The following ADCY9 variants were observed in gnomAD, a reference collection of about 807,000 sequenced individuals.
ADCY9 encodes the protein adenylate cyclase 9, also known as adenylate cyclase type 9.
ADCY9 carries 50 observed loss-of-function variants against 101.5 expected under a neutral mutation model. The observed-to-expected ratio is 0.49, with a 90% CI of 0.39 to 0.62. ADCY9 has a LOEUF of 0.62. Among genes scored for constraint, ADCY9 ranks in the 20% least tolerant of loss-of-function variants. ADCY9 has a pLI of 0.00. For synonymous variants in ADCY9, 905 were observed against 769.3 expected (o/e 1.18, Z -2.92); for missense variants, 1,662 against 1,800.4 (o/e 0.92, Z 1.39).
intron 2 of ADCY9, among the ~76,000 whole-genome samples, chr16:4,065,493 G>A (rs559561257): frequency 2.6e-5 from 4 of 152,294 alleles, no homozygotes; most frequent in Admixed American, 2.6e-4. Context: ...GGGCAGGTGC[G>A]AAATCTGAAA....
chr16:4,077,801 A>G (rs2056877124), intron 2 of ADCY9, among the ~76,000 whole-genome samples: 1 of 152,128 alleles, frequency 6.6e-6, no homozygotes, highest in South Asian at 2.1e-4. Flanking sequence ...GGAGTTTGAG[A>G]CCAGCCTGGC....
Position 3,967,864 on chromosome 16 carries a change from A to C in ADCY9, c.2871-898T>G, listed in dbSNP as rs558400891. 2.6e-5 allele frequency among the ~76,000 whole-genome samples: 4 copies of C among 151,502 alleles called. No individual in the cohort carries two copies. In the South Asian group the frequency reaches 8.4e-4, roughly 32 times the overall value. On this transcript the variant is annotated intron_variant, in intron 10 of 10. Transcript: ENST00000294016. ...AGGTGTGTGCCACCATGCCTGGCTAATTTTTGTATTTTTAGTAGAGACAGG... is the reference window on the plus strand; with the variant it reads ...AGGTGTGTGCCACCATGCCTGGCTACTTTTTGTATTTTTAGTAGAGACAGG...
At chr16:3,973,062 T>C (rs1395111179) in intron 10 of ADCY9, among the ~76,000 whole-genome samples, 3 of 152,196 alleles carry the variant, frequency 2.0e-5, no homozygotes, top group Admixed American at 6.5e-5. Flanking sequence ...GTTGTACCTA[T>C]AGTACATATA....
In ADCY9 at chr16:3,993,402, T is replaced by C; in HGVS notation, c.1989+4A>G. The C allele has an allele frequency of 3.1e-6, 5 of 1,613,684 alleles. No individual in the cohort carries two copies. The highest frequency in any genetic ancestry group is 2.2e-5 in the South Asian group (2 of 91,080). On this transcript the variant is annotated splice_donor_region_variant and intron_variant, in intron 4 of 10. Transcript: ENST00000294016. ...GACAGGAACAACAGCCATGAGCTTG[T>C]TACCTTGGTGCTGTTTTTATGCTCG...
At chr16:4,007,801 T>C (rs1219563403) in intron 2 of ADCY9, among the ~76,000 whole-genome samples, 1 of 151,612 alleles carries the variant, frequency 6.6e-6, no homozygotes, top group Non-Finnish European at 1.5e-5. Context: ...AATGGCTGCA[T>C]GTTTCATGTT....
Position 3,966,825 on chromosome 16 carries a change from G to A in ADCY9, c.3012C>T (p.Tyr1004=). The A allele has an allele frequency of 1.2e-6, 2 of 1,614,204 alleles. No individual in the cohort carries two copies. The highest frequency in any genetic ancestry group is 1.7e-6 in the Non-Finnish European group (2 of 1,180,048). The change falls in exon 11 of 11, where the codon TAC becomes TAT. Residue 1004 remains tyrosine, a synonymous_variant. Transcript: ENST00000294016. ...WFLNREFEVS[Y]RLHYHGDVEA... ...CCACGTCTCCGTGGTAGTGGAGGCG[G>A]TAGCTGACTTCAAATTCGCGATTCA...
In ADCY9 at chr16:4,039,640, T is replaced by C. The variant is rs143188245; in HGVS notation, c.1694-32082A>G. Among the ~76,000 whole-genome samples the C allele has an allele frequency of 8.3e-3, 1,228 of 147,834 alleles. 24 individuals carry two copies. The highest frequency in any genetic ancestry group is 0.029 in the African/African-American group (1,152 of 39,418). On this transcript the variant is annotated intron_variant, in intron 2 of 10. Coordinates refer to ENST00000294016, the MANE Select transcript of ADCY9 (RefSeq NM_001116.4). ...GTTGCAGTGAGCCGAGATCGCACCA[T>C]TTCATTCCAGCCTGGGCAACAAGAG... is the stretch of plus-strand genomic sequence containing the variant.
rs908790158 is a variant in ADCY9, at chr16:4,114,300, G to A, written c.1143C>T (p.Ala381=). Residue 381 remains alanine (A), a synonymous_variant, in exon 2 of 11, where the codon GCC becomes GCT. Transcript: ENST00000294016. The surrounding 1 kb of genome is among the most constrained non-coding windows in gnomAD (Gnocchi z 4.3). ...TCTGCTGCATCTTAAAAGGGCGGAA[G>A]GCTATAGGAGCTTTTTGGATGGAAG... ...KKSSIQKAPI[A]FRPFKMQQIE... The A allele has an allele frequency of 3.1e-6, 5 of 1,613,846 alleles. No individual in the cohort carries two copies. The highest frequency in any genetic ancestry group is 1.7e-5 in the Admixed American group (1 of 60,004).
chr16:4,097,084 G>C (rs1455316937), intron 2 of ADCY9, among the ~76,000 whole-genome samples: 1 of 152,042 alleles, frequency 6.6e-6, no homozygotes, highest in Non-Finnish European at 1.5e-5. Context: ...ATCTTACAAA[G>C]CTTAAAAACA....
chr16:3,989,368 T>C (rs2056225088), intron 5 of ADCY9, among the ~76,000 whole-genome samples: 2 of 151,214 alleles, frequency 1.3e-5, no homozygotes, highest in South Asian at 2.1e-4. Context: ...CATCAGAACC[T>C]TGGTTTTTTG....
Position 4,114,231 on chromosome 16 carries a change from G to C in ADCY9, c.1212C>G (p.Thr404=). The C allele has an allele frequency of 6.2e-7, 1 of 1,613,962 alleles. No homozygotes were observed. Among genetic ancestry groups the C allele is most frequent in the African/African-American group, 1.3e-5 (1 of 75,042 alleles). The change falls in exon 2 of 11, where the codon ACC becomes ACG. Residue 404 remains threonine (T), a synonymous_variant. Transcript: ENST00000294016. The surrounding 1 kb of genome is among the most constrained non-coding windows in gnomAD (Gnocchi z 4.3). The part of the protein sequence containing the change: ...SILFADIVGF[T]KMSANKSAHA... The stretch of plus-strand genomic sequence containing the variant: ...GGGCAGACTTGTTGGCACTCATCTT[G>C]GTGAAGCCCACGATATCTGCAAATA...
intron 6 of ADCY9, 93 bp downstream of exon 6, chr16:3,988,901 C>T: frequency 1.0e-6 from 1 of 968,604 alleles, no homozygotes; most frequent in Non-Finnish European, 1.7e-6. Context: ...TTCGTGTTCC[C>T]ATCCCTTGGT....
chr16:4,051,387 G>A (rs1158248949), intron 2 of ADCY9, among the ~76,000 whole-genome samples: 1 of 152,070 alleles, frequency 6.6e-6, no homozygotes, highest in Non-Finnish European at 1.5e-5. Context: ...AGCCGGGCGT[G>A]GTGGCGGGCG....
intron 3 of ADCY9, among the ~76,000 whole-genome samples, chr16:4,001,533 C>T (rs1243068167): frequency 1.3e-5 from 2 of 152,030 alleles, no homozygotes. Flanking sequence ...CTGTGAAGTT[C>T]CTATTCCTAC....
At chr16:4,086,453 C>T (rs1180491759) in intron 2 of ADCY9, among the ~76,000 whole-genome samples, 2 of 152,028 alleles carry the variant, frequency 1.3e-5, no homozygotes, top group African/African-American at 4.8e-5. Context: ...TCTGATGACA[C>T]GCGCAGCTGG....
chr16:4,079,634 G>A (rs1384925077), intron 2 of ADCY9, among the ~76,000 whole-genome samples: 2 of 152,148 alleles, frequency 1.3e-5, no homozygotes, highest in Admixed American at 6.5e-5. Context: ...AGGTATTCAT[G>A]ATCCATGAAT....
intron 2 of ADCY9, among the ~76,000 whole-genome samples, chr16:4,037,928 TA>T (rs913585444): frequency 1.3e-5 from 2 of 152,202 alleles, no homozygotes; most frequent in Admixed American, 6.5e-5. Flanking sequence ...TGCTATGGTC[TA>T]AATGTCCCCC....
chr16:4,097,284 G>C (rs547367807), intron 2 of ADCY9, among the ~76,000 whole-genome samples: 5 of 151,178 alleles, frequency 3.3e-5, no homozygotes, highest in Admixed American at 3.3e-4. Flanking sequence ...CAGCCCTCTC[G>C]GCCACCACCT....
At chr16:3,967,876 T>C (rs1350880965) in intron 10 of ADCY9, among the ~76,000 whole-genome samples, 6 of 151,844 alleles carry the variant, frequency 4.0e-5, no homozygotes, top group African/African-American at 1.5e-4. Flanking sequence ...TTTTGTATTT[T>C]TAGTAGAGAC....
Sources: allele counts gnomAD v4.1 joint callset (sites outside exome capture counted in the v4.1 genomes callset), GRCh38; gene constraint gnomAD v4.1.1; non-coding constraint Gnocchi (gnomAD v3.1); transcripts MANE v1.5; gene names NCBI Gene and HGNC (gene_info 2026-07-23, HGNC 2026-07-21).